Variants in MYT1L observed in about 807,000 individuals in gnomAD.
MYT1L encodes myelin transcription factor 1-like protein.
Under a neutral mutation model 126.7 loss-of-function variants are expected in MYT1L, and 12 were observed. The ratio of observed to expected loss-of-function variants is 0.09; its 90% CI spans 0.06 to 0.15. The LOEUF (loss-of-function observed/expected upper bound fraction) is 0.15, where lower values mean the gene tolerates loss of function less well. MYT1L is among the 10% of genes least tolerant of loss of function. The probability of loss-of-function intolerance (pLI) is 1.00; values close to 1 mark genes in which losing one functional copy is unlikely to be tolerated. For synonymous variants in MYT1L, 541 were observed against 604.2 expected, an observed-to-expected ratio of 0.90 and a Z score of 1.53; for missense variants, 979 against 1,585.2, an observed-to-expected ratio of 0.62 and a Z score of 6.49.
At position 1,848,816 on chromosome 2, in the gene MYT1L, T is replaced by G. The variant is rs2042842700; in HGVS notation, c.2774+2825A>C. 6.6e-6 allele frequency among the ~76,000 whole-genome samples: 1 copy of G among 152,198 alleles called. No individual in the cohort carries two copies. The highest frequency in any genetic ancestry group is 1.5e-5 in the Non-Finnish European group (1 of 68,032). On this transcript the variant is annotated intron_variant, in intron 19 of 24. Coordinates refer to ENST00000647738, the MANE Select transcript of MYT1L (RefSeq NM_001303052.2). This position sits in a 1 kb window ranked among gnomAD's most constrained non-coding sequence, Gnocchi z 4.8. Reference sequence around the variant, plus strand: ...GACTGTCACGTGGAGGCAACACTTCTGCTGAGCAACGTGCCCAGCCCCGCT... The same window carrying G: ...GACTGTCACGTGGAGGCAACACTTCGGCTGAGCAACGTGCCCAGCCCCGCT...
chr2:2,276,988 T>C (rs1409560494), intron 2 of MYT1L, among the ~76,000 whole-genome samples: 2 of 151,990 alleles, frequency 1.3e-5, no homozygotes, highest in Admixed American at 1.3e-4. Context: ...TTTTTTCTCT[T>C]TTTCTTTTTT....
chr2:2,257,520 G>A (rs905557760), intron 2 of MYT1L, among the ~76,000 whole-genome samples: 5 of 152,306 alleles, frequency 3.3e-5, no homozygotes, highest in Non-Finnish European at 5.9e-5. Context: ...GACAGGAAAA[G>A]TAAGTCCTGG....
chr2:2,049,290 A>T (rs1389981625), intron 4 of MYT1L, among the ~76,000 whole-genome samples: 1 of 152,238 alleles, frequency 6.6e-6, no homozygotes, highest in Non-Finnish European at 1.5e-5. Context: ...CTCTGTGTGT[A>T]TATACACATA....
chr2:1,917,419 C>G lies in MYT1L; in HGVS notation c.1484-80G>C. 2.0e-6 allele frequency: 3 copies of G among 1,491,602 alleles called. No homozygotes were observed. Among genetic ancestry groups the G allele is most frequent in the African/African-American group, 2.8e-5 (2 of 71,614 alleles). 92.4% of individuals were successfully genotyped at this position (1,491,602 alleles called of 1,614,324 possible). A position where few individuals can be genotyped will look rare whatever the true frequency, so the allele number is the denominator to read the frequency against. On this transcript the variant is annotated intron_variant, in intron 10 of 24. Coordinates refer to ENST00000647738, the MANE Select transcript of MYT1L (RefSeq NM_001303052.2). The surrounding 1 kb of genome is among the most constrained non-coding windows in gnomAD (Gnocchi z 5.9). ...GTGATTATTTCACAATCTGAAGAAA[C>G]CTTGCTAAAGAAAGAAATAAAGCAG...
intron 13 of MYT1L, among the ~76,000 whole-genome samples, chr2:1,909,075 T>A (rs2051514309): frequency 6.6e-6 from 1 of 152,218 alleles, no homozygotes; most frequent in African/African-American, 2.4e-5. Context: ...ATTCATATTG[T>A]TTGCCCAGTG....
chr2:1,953,005 T>TTTCC (rs1241195186), intron 8 of MYT1L, among the ~76,000 whole-genome samples: 7 of 141,998 alleles, frequency 4.9e-5, no homozygotes, highest in South Asian at 5.1e-4. Context: ...TTTCTTTTCT[T>TTTCC]TTCCTTCCTT....
intron 8 of MYT1L, among the ~76,000 whole-genome samples, chr2:1,964,603 G>GT (rs1377716009): frequency 6.6e-6 from 1 of 152,028 alleles, no homozygotes; most frequent in Non-Finnish European, 1.5e-5. Context: ...AAAAACAAGG[G>GT]TAAAATTTTC....
intron 9 of MYT1L, among the ~76,000 whole-genome samples, chr2:1,934,044 G>GGTGCAA (rs2149198740): frequency 7.0e-6 from 1 of 143,460 alleles, no homozygotes; most frequent in South Asian, 2.2e-4. Flanking sequence ...GTGCGATCTC[G>GGTGCAA]GCTCACTGCA....
At chr2:1,847,416 C>G (rs1236586561) in intron 19 of MYT1L, among the ~76,000 whole-genome samples, 1 of 152,156 alleles carries the variant, frequency 6.6e-6, no homozygotes, top group East Asian at 1.9e-4. Flanking sequence ...TGCATTGGAA[C>G]AACTCCAGGG....
Position 1,819,384 on chromosome 2 carries a change from C to T in MYT1L, c.3081-10217G>A, listed in dbSNP as rs139047335. ...AAATGCTTTACTTATCACATGCTGG[C>T]ATGCTCTTCAGACTTGGCCCACTGC... On this transcript the variant is annotated intron_variant, in intron 21 of 24. Coordinates refer to ENST00000647738, the MANE Select transcript of MYT1L (RefSeq NM_001303052.2). Among the ~76,000 whole-genome samples, 1,234 of 152,342 alleles carry T rather than the reference C, an allele frequency of 8.1e-3. 6 individuals are homozygous for T. Among genetic ancestry groups the T allele is most frequent in the Middle Eastern group, 0.017 (5 of 294 alleles).
chr2:2,185,478 A>AG (rs969587783), intron 2 of MYT1L, among the ~76,000 whole-genome samples: 1 of 120,982 alleles, frequency 8.3e-6, no homozygotes, highest in African/African-American at 3.8e-5. Context: ...TCCTTCTGTG[A>AG]GGGGGACGCA....
chr2:1,930,462 G>T (rs534345239), intron 9 of MYT1L, among the ~76,000 whole-genome samples: 14 of 152,210 alleles, frequency 9.2e-5, no homozygotes, highest in Non-Finnish European at 1.8e-4. Flanking sequence ...AAACCACAGG[G>T]TGTTTTCCTA....
At chr2:1,902,902 T>C in intron 14 of MYT1L, 178 bp downstream of exon 14, 2 of 608,476 alleles carry the variant, frequency 3.3e-6, no homozygotes, top group Non-Finnish European at 5.8e-6. Context: ...TTTGCTCACC[T>C]ACAGCTGTGT....
chr2:2,191,659 T>G (rs1419385649), intron 2 of MYT1L, among the ~76,000 whole-genome samples: 1 of 152,180 alleles, frequency 6.6e-6, no homozygotes, highest in Non-Finnish European at 1.5e-5. Flanking sequence ...AGTAAATATG[T>G]ATTAAAGCCA....
intron 3 of MYT1L, among the ~76,000 whole-genome samples, chr2:2,136,776 C>A (rs545066734): frequency 1.4e-4 from 21 of 152,272 alleles, no homozygotes; most frequent in African/African-American, 5.1e-4. Flanking sequence ...TGAAAACTGG[C>A]ACAAGACAGG....
chr2:2,101,177 A>G (rs562377493), intron 3 of MYT1L, among the ~76,000 whole-genome samples: 1 of 152,248 alleles, frequency 6.6e-6, no homozygotes, highest in Admixed American at 6.5e-5. Flanking sequence ...GTTTTGAGAG[A>G]AAGTGAATTT....
intron 3 of MYT1L, among the ~76,000 whole-genome samples, chr2:2,162,004 T>C (rs1463092418): frequency 6.6e-6 from 1 of 152,148 alleles, no homozygotes; most frequent in African/African-American, 2.4e-5. Context: ...TGGTGGCGTT[T>C]ACGTTCAGGA....
chr2:2,019,164 A>G (rs2149813848), intron 4 of MYT1L, among the ~76,000 whole-genome samples: 1 of 152,142 alleles, frequency 6.6e-6, no homozygotes, highest in African/African-American at 2.4e-5. Flanking sequence ...CATAATTCTC[A>G]TGTGTTGTGG....
In MYT1L at chr2:1,998,834, C is replaced by T. The variant is rs1024444063; in HGVS notation, c.-157-1487G>A. 2.0e-5 allele frequency among the ~76,000 whole-genome samples: 3 copies of T among 152,064 alleles called. No individual in the cohort carries two copies. In the East Asian group the frequency reaches 5.8e-4, roughly 29 times the overall value. On this transcript the variant is annotated intron_variant, in intron 4 of 24. Transcript: ENST00000647738. ...ACCCCAGAGCCCACACAATTCCTAC[C>T]CGCCTTTGGATCTTATGTGCCTGCT...
Sources: gnomAD v4.1 joint callset for allele counts (sites outside exome capture counted in the v4.1 genomes callset) on GRCh38, gnomAD v4.1.1 for gene constraint, Gnocchi (gnomAD v3.1) non-coding constraint, MANE v1.5 for transcripts, NCBI Gene and HGNC (gene_info 2026-07-23, HGNC 2026-07-21) for gene names.